The following PICALM variants were observed in gnomAD, a reference collection of about 807,000 sequenced individuals.
PICALM encodes the protein phosphatidylinositol binding clathrin assembly protein, also known as phosphatidylinositol-binding clathrin assembly protein.
PICALM carries 40 observed loss-of-function variants against 80.5 expected under a neutral mutation model. The ratio of observed to expected loss-of-function variants is 0.50; its 90% CI spans 0.39 to 0.65. The LOEUF is 0.65. PICALM is among the 30% of genes least tolerant of loss of function. The pLI is 0.00. For missense variants in PICALM, 676 were observed against 778.9 expected, an observed-to-expected ratio of 0.87 and a Z score of 1.57; for synonymous variants, 288 against 260.3, an observed-to-expected ratio of 1.11 and a Z score of -1.02.
chr11:86,013,205 C>T (rs184102452), intron 5 of PICALM, among the ~76,000 whole-genome samples: 18 of 152,092 alleles, frequency 1.2e-4, no homozygotes, highest in African/African-American at 4.3e-4. Context: ...GTCCCAGCTA[C>T]TCAGGAGGCT....
intron 1 of PICALM, among the ~76,000 whole-genome samples, chr11:86,036,226 TTAAA>T (rs2095841284): frequency 6.6e-6 from 1 of 152,226 alleles, no homozygotes; most frequent in African/African-American, 2.4e-5. Context: ...CTAATCAAAG[TTAAA>T]CACAGGCAAA....
chr11:85,991,860 T>G (rs2094790638), intron 12 of PICALM, among the ~76,000 whole-genome samples: 1 of 152,162 alleles, frequency 6.6e-6, no homozygotes, highest in Non-Finnish European at 1.5e-5. Context: ...TGGGTTTTTT[T>G]GTTTTCTTCT....
rs760482423 is a variant in PICALM, at chr11:85,996,856, T to G, written c.1228A>C (p.Thr410Pro). The change falls in exon 12 of 20, where the codon ACT (threonine) becomes CCT (proline). Residue 410 changes from threonine to proline, a missense_variant. Around this residue, in one of 2 missense-constraint regions of PICALM, gnomAD observed 391 missense variants for 383.6 expected, o/e 1.02. Transcript: ENST00000393346. ...CATGTACTTGCTACCTGAGAAGCAG[T>G]TGACATAGGATGTACAGATGGGTGA... ...TFHPSVHPMS[T>P]ASQVASTWGD... 11 of 1,611,156 alleles carry G rather than the reference T, an allele frequency of 6.8e-6. No individual in the cohort carries two copies. The highest frequency in any genetic ancestry group is 1.3e-5 in the African/African-American group (1 of 74,956).
intron 8 of PICALM, among the ~76,000 whole-genome samples, chr11:86,006,958 T>C (rs2095290978): frequency 6.6e-6 from 1 of 152,176 alleles, no homozygotes. Flanking sequence ...CTACTTACTG[T>C]CTGAGGTAGG....
At chr11:86,035,947 C>CAAAA (rs543040504) in intron 1 of PICALM, among the ~76,000 whole-genome samples, 3 of 66,470 alleles carry the variant, frequency 4.5e-5, no homozygotes, top group Admixed American at 1.7e-4. Context: ...GACTCTGCCT[C>CAAAA]AAAAAAAAAA....
intron 19 of PICALM, among the ~76,000 whole-genome samples, chr11:85,967,703 A>C (rs2135425643): frequency 6.6e-6 from 1 of 152,382 alleles, no homozygotes; most frequent in East Asian, 1.9e-4. Flanking sequence ...TAACACACCA[A>C]GAGAATAAAA....
chr11:86,019,765 T>C (rs947907593), intron 4 of PICALM, among the ~76,000 whole-genome samples: 1 of 152,244 alleles, frequency 6.6e-6, no homozygotes, highest in African/African-American at 2.4e-5. Context: ...AATTCAGCTT[T>C]AAATTTTCTT....
At chr11:85,960,875 T>C in intron 19 of PICALM, 1 of 419,710 alleles carries the variant, frequency 2.4e-6, no homozygotes, top group Non-Finnish European at 4.0e-6. Flanking sequence ...TGGTTTTGGT[T>C]TTGTCATCTT....
intron 4 of PICALM, among the ~76,000 whole-genome samples, chr11:86,020,985 C>A (rs922895184): frequency 6.6e-6 from 1 of 152,110 alleles, no homozygotes; most frequent in Non-Finnish European, 1.5e-5. Flanking sequence ...CGATAAGAAA[C>A]TGGTGCCCAG....
intron 8 of PICALM, among the ~76,000 whole-genome samples, chr11:86,005,493 C>T (rs981011039): frequency 2.0e-5 from 3 of 152,006 alleles, no homozygotes; most frequent in Admixed American, 2.0e-4. Flanking sequence ...TGCTTGAGCC[C>T]AGTTGTTTGA....
chr11:86,012,805 T>C lies in PICALM; in HGVS notation c.547-413A>G, dbSNP rs1418337040. Among the ~76,000 whole-genome samples the C allele has an allele frequency of 2.0e-5, 3 of 152,052 alleles. No homozygotes were observed. The East Asian group carries it at 5.8e-4, about 29-fold the overall frequency. On this transcript the variant is annotated intron_variant, in intron 5 of 19. Transcript: ENST00000393346. ...AAAAAGTTATTTGCAGACTATCTAG[T>C]AGAGCTGATGTCCATTATATAGGGA...
intron 1 of PICALM, among the ~76,000 whole-genome samples, chr11:86,055,070 C>T (rs2096248751): frequency 6.6e-6 from 1 of 152,028 alleles, no homozygotes; most frequent in Non-Finnish European, 1.5e-5. Context: ...GTGGCTAATG[C>T]CTGTAATCTC....
At chr11:85,962,554 T>G (rs192884991) in intron 19 of PICALM, among the ~76,000 whole-genome samples, 17 of 152,324 alleles carry the variant, frequency 1.1e-4, no homozygotes, top group Admixed American at 1.1e-3. Context: ...TTTCAATATG[T>G]GAGCATACTG....
Position 86,042,534 on chromosome 11 carries a change from G to C in PICALM, c.131-10923C>G, listed in dbSNP as rs189771772. On this transcript the variant is annotated intron_variant, in intron 1 of 19. Coordinates refer to ENST00000393346, the MANE Select transcript of PICALM (RefSeq NM_007166.4). Reference sequence around the variant, plus strand: ...TTTCACAATGACAACCCCACCTATAGGAAAGAAAACATATTAAGTATCAAG... The same window carrying C: ...TTTCACAATGACAACCCCACCTATACGAAAGAAAACATATTAAGTATCAAG... Among the ~76,000 whole-genome samples the C allele has an allele frequency of 4.1e-3, 618 of 151,770 alleles. 5 individuals are homozygous for C. Among genetic ancestry groups the C allele is most frequent in the African/African-American group, 0.014 (588 of 41,372 alleles).
At chr11:86,033,008 C>T (rs2095785646) in intron 1 of PICALM, among the ~76,000 whole-genome samples, 3 of 152,128 alleles carry the variant, frequency 2.0e-5, no homozygotes, top group Admixed American at 6.5e-5. Flanking sequence ...ACAGAGTGCC[C>T]ATGGAACAAC....
At chr11:85,978,821 C>G (rs1036639162) in intron 17 of PICALM, 1 of 152,036 alleles carries the variant, frequency 6.6e-6, no homozygotes, top group African/African-American at 2.4e-5. Flanking sequence ...ACTCCTAATA[C>G]TTCATATAGA....
intron 17 of PICALM, chr11:85,978,857 T>C (rs1464375600): frequency 1.3e-5 from 2 of 152,084 alleles, no homozygotes; most frequent in African/African-American, 4.8e-5. Context: ...TATAAGAAAA[T>C]ATTCATTATA....
chr11:85,959,222 T>A (rs1445766673), intron 19 of PICALM, among the ~76,000 whole-genome samples, 162 bp from the exon 20 acceptor site: 1 of 152,230 alleles, frequency 6.6e-6, no homozygotes, highest in African/African-American at 2.4e-5. Flanking sequence ...TCAACTTATG[T>A]GCCAGAAAGC....
intron 1 of PICALM, among the ~76,000 whole-genome samples, chr11:86,038,763 C>T (rs1333790408): frequency 1.3e-5 from 2 of 148,518 alleles, no homozygotes; most frequent in Non-Finnish European, 3.0e-5. Context: ...GGCGACAGAG[C>T]GAGACTCCAT....
Sources: allele counts gnomAD v4.1 joint callset (sites outside exome capture counted in the v4.1 genomes callset), GRCh38; gene constraint gnomAD v4.1.1; regional missense constraint gnomAD v4.1.1; transcripts MANE v1.5; gene names NCBI Gene and HGNC (gene_info 2026-07-23, HGNC 2026-07-21).